KCND2: variants seen among roughly 807,000 people sequenced by gnomAD.
KCND2 encodes the protein potassium voltage-gated channel subfamily D member 2, also known as A-type voltage-gated potassium channel KCND2.
In KCND2, 16 loss-of-function variants were observed where a neutral mutation model predicts 54.4. The ratio of observed to expected loss-of-function variants is 0.29; its 90% CI spans 0.20 to 0.45. The LOEUF (loss-of-function observed/expected upper bound fraction) is 0.45. KCND2 is among the 20% of genes least tolerant of loss of function. The pLI is 1.00. For synonymous variants in KCND2, 317 were observed against 310.7 expected (o/e 1.02, Z -0.21); for missense variants, 486 against 824.2 (o/e 0.59, Z 5.02).
chr7:120,594,096 G>T (rs1376579518), intron 1 of KCND2, among the ~76,000 whole-genome samples: 1 of 152,142 alleles, frequency 6.6e-6, no homozygotes, highest in Non-Finnish European at 1.5e-5. Context: ...TGATCCCAGG[G>T]ATTTCCAAAC....
At chr7:120,518,187 A>G (rs1263025683) in intron 1 of KCND2, among the ~76,000 whole-genome samples, 1 of 152,148 alleles carries the variant, frequency 6.6e-6, no homozygotes, top group Non-Finnish European at 1.5e-5. Flanking sequence ...ATATTATCTT[A>G]TGATCAGAAT....
At chr7:120,365,055 T>C (rs570005086) in intron 1 of KCND2, among the ~76,000 whole-genome samples, 44 of 152,114 alleles carry the variant, frequency 2.9e-4, no homozygotes, top group Middle Eastern at 6.8e-3. Context: ...TTAAAGACAT[T>C]AATAACAAGA....
At chr7:120,338,419 G>GT (rs1426452588) in intron 1 of KCND2, among the ~76,000 whole-genome samples, 1 of 151,760 alleles carries the variant, frequency 6.6e-6, no homozygotes, top group Non-Finnish European at 1.5e-5. Flanking sequence ...TAAGGGCTTT[G>GT]TTTTTTATCT....
Position 120,609,180 on chromosome 7 carries a change from A to G in KCND2, c.1116-123723A>G, listed in dbSNP as rs76123665. Among the ~76,000 whole-genome samples, 119 of 152,122 alleles carry G rather than the reference A, an allele frequency of 7.8e-4. 2 individuals are homozygous for G. The East Asian group carries it at 0.019, about 25-fold the overall frequency. ...TTGCTACCTAATCACTGCCTTGAGG[A>G]CTTTGCTGATGTCCGTAGCCTACTA... On this transcript the variant is annotated intron_variant, in intron 1 of 5. Transcript: ENST00000331113.
At position 120,582,639 on chromosome 7, in the gene KCND2, G is replaced by A. The variant is rs184298440; in HGVS notation, c.1116-150264G>A. Among the ~76,000 whole-genome samples, 253 of 151,670 alleles carry A rather than the reference G, an allele frequency of 1.7e-3. 1 individual carries two copies. Among genetic ancestry groups the A allele is most frequent in the Middle Eastern group, 6.8e-3 (2 of 294 alleles). On this transcript the variant is annotated intron_variant, in intron 1 of 5. Coordinates refer to ENST00000331113, the MANE Select transcript of KCND2 (RefSeq NM_012281.3). ...CTCCATCCTCCCATTCCATAAAGTG[G>A]GCTTTTCCCTCAAGATATAGACCCA...
At chr7:120,379,605 T>G (rs139763943) in intron 1 of KCND2, among the ~76,000 whole-genome samples, 1 of 152,176 alleles carries the variant, frequency 6.6e-6, no homozygotes, top group East Asian at 1.9e-4. Context: ...ATTACTCTTT[T>G]TAAGAGATTT....
At chr7:120,704,771 C>T (rs1792445714) in intron 1 of KCND2, among the ~76,000 whole-genome samples, 1 of 152,110 alleles carries the variant, frequency 6.6e-6, no homozygotes, top group Non-Finnish European at 1.5e-5. Context: ...ATCATTGGAG[C>T]AACCCTGTGT....
At chr7:120,739,540 A>G (rs1584902681) in intron 2 of KCND2, among the ~76,000 whole-genome samples, 1 of 151,986 alleles carries the variant, frequency 6.6e-6, no homozygotes, top group South Asian at 2.1e-4. Context: ...TTATGTTTCC[A>G]ACAAAGAATG....
chr7:120,466,054 A>G (rs1444768373), intron 1 of KCND2, among the ~76,000 whole-genome samples: 1 of 152,188 alleles, frequency 6.6e-6, no homozygotes, highest in Non-Finnish European at 1.5e-5. Context: ...AATGCATTAT[A>G]AGATGTTTAA....
chr7:120,654,828 A>T (rs527920729), intron 1 of KCND2, among the ~76,000 whole-genome samples: 1 of 152,286 alleles, frequency 6.6e-6, no homozygotes, highest in East Asian at 1.9e-4. Context: ...ACAGCTATGG[A>T]TATGGATATA....
chr7:120,606,571 G>A (rs186825320), intron 1 of KCND2, among the ~76,000 whole-genome samples: 25 of 152,068 alleles, frequency 1.6e-4, no homozygotes, highest in African/African-American at 5.5e-4. Flanking sequence ...CGCAGAAGGG[G>A]TCATTATTTT....
At chr7:120,296,545 A>T (rs1284655595) in intron 1 of KCND2, among the ~76,000 whole-genome samples, 4 of 152,126 alleles carry the variant, frequency 2.6e-5, no homozygotes, top group Non-Finnish European at 4.4e-5. Context: ...TCATATGGGA[A>T]TGGTAATTGT....
chr7:120,309,623 A>C (rs975269537), intron 1 of KCND2, among the ~76,000 whole-genome samples: 2 of 151,634 alleles, frequency 1.3e-5, no homozygotes, highest in African/African-American at 4.8e-5. Flanking sequence ...AGTATCTCAC[A>C]AATATTAACT....
At position 120,725,721 on chromosome 7, in the gene KCND2, G is replaced by A. The variant is rs1423940107; in HGVS notation, c.1116-7182G>A. On this transcript the variant is annotated intron_variant, in intron 1 of 5. Transcript: ENST00000331113. ...TGCATTGTGAGTTCAGACTCTTTAT[G>A]TTGACAATATTTAACATCGATACTC... 4.6e-5 allele frequency among the ~76,000 whole-genome samples: 7 copies of A among 152,242 alleles called. No individual in the cohort carries two copies. The East Asian group carries it at 9.7e-4, about 21-fold the overall frequency.
intron 1 of KCND2, among the ~76,000 whole-genome samples, chr7:120,658,827 A>T (rs1791833808): frequency 6.6e-6 from 1 of 152,212 alleles, no homozygotes. Context: ...TTGAAAATGT[A>T]CTTCTTCCAC....
intron 1 of KCND2, among the ~76,000 whole-genome samples, chr7:120,395,611 G>A (rs1801142928): frequency 6.6e-6 from 1 of 152,040 alleles, no homozygotes. Flanking sequence ...TGCCAGGGCT[G>A]TTGGCACGTG....
intron 1 of KCND2, among the ~76,000 whole-genome samples, chr7:120,410,146 A>T (rs183134247): frequency 6.6e-6 from 1 of 151,940 alleles, no homozygotes; most frequent in Non-Finnish European, 1.5e-5. Context: ...TGAAAAGATC[A>T]TCTTTTTTTA....
At chr7:120,332,681 T>C (rs1800085226) in intron 1 of KCND2, among the ~76,000 whole-genome samples, 1 of 152,076 alleles carries the variant, frequency 6.6e-6, no homozygotes, top group Non-Finnish European at 1.5e-5. Flanking sequence ...AAACCTGCTC[T>C]AGAGGACCAT....
At chr7:120,601,472 T>A (rs1792812482) in intron 1 of KCND2, among the ~76,000 whole-genome samples, 1 of 152,142 alleles carries the variant, frequency 6.6e-6, no homozygotes, top group Admixed American at 6.6e-5. Context: ...GTAAGGCGTT[T>A]TTTTTGTGCT....
Sources: gnomAD v4.1 joint callset for allele counts (sites outside exome capture counted in the v4.1 genomes callset) on GRCh38, gnomAD v4.1.1 for gene constraint, MANE v1.5 for transcripts, NCBI Gene and HGNC (gene_info 2026-07-23, HGNC 2026-07-21) for gene names.